Variants in RXRA observed in about 807,000 individuals in gnomAD.
RXRA encodes retinoid X receptor alpha.
Under a neutral mutation model 44.5 loss-of-function variants are expected in RXRA, and 5 were observed. The ratio of observed to expected loss-of-function variants is 0.11; its 90% CI spans 0.06 to 0.24. The LOEUF (loss-of-function observed/expected upper bound fraction) is 0.24, where lower values mean the gene tolerates loss of function less well. Among genes scored for constraint, RXRA ranks in the 10% least tolerant of loss-of-function variants. The pLI, the probability that RXRA is intolerant of heterozygous loss-of-function variation, is 1.00. For missense variants in RXRA, 412 were observed against 646.5 expected (o/e 0.64, Z 3.93); for synonymous variants, 291 against 271.4 (o/e 1.07, Z -0.71).
intron 1 of RXRA, among the ~76,000 whole-genome samples, chr9:134,341,813 A>C (rs562450370): frequency 6.6e-6 from 1 of 151,960 alleles, no homozygotes; most frequent in African/African-American, 2.4e-5. Flanking sequence ...TCTTGGCCTG[A>C]GGTTGGAGTT....
intron 5 of RXRA, among the ~76,000 whole-genome samples, chr9:134,419,221 G>A (rs6537936): frequency 0.011 from 1,751 of 152,356 alleles, 34 homozygotes; most frequent in African/African-American, 0.04. Flanking sequence ...GAGGGTGGCT[G>A]TGAGGGTTTC....
intron 1 of RXRA, among the ~76,000 whole-genome samples, chr9:134,375,430 G>T (rs899832419): frequency 6.6e-6 from 1 of 152,176 alleles, no homozygotes; most frequent in Non-Finnish European, 1.5e-5. Flanking sequence ...GCAGCCGAGG[G>T]CTCCCGGGTG....
At position 134,434,130 on chromosome 9, in the gene RXRA, G is replaced by A. The variant is rs908371905; in HGVS notation, c.1164G>A (p.Glu388=). 1.9e-6 allele frequency: 3 copies of A among 1,613,698 alleles called. No individual in the cohort carries two copies. The highest frequency in any genetic ancestry group is 1.3e-5 in the African/African-American group (1 of 74,894). The change falls in exon 9 of 10, where the codon GAG becomes GAA. Residue 388 remains glutamate (E), a synonymous_variant. Transcript: ENST00000481739. ...CCAAGGGGCTCTCGAACCCGGCCGA[G>A]GTGGAGGCGCTGAGGGAGAAGGTCT... ...PDSKGLSNPA[E]VEALREKVYA...
chr9:134,378,625 C>T (rs999428215), intron 1 of RXRA, among the ~76,000 whole-genome samples: 7 of 152,216 alleles, frequency 4.6e-5, no homozygotes, highest in Non-Finnish European at 7.3e-5. Flanking sequence ...CCTGCCCCTG[C>T]CAGCCTCAGG....
chr9:134,326,654 C>T lies in RXRA; in HGVS notation c.23C>T (p.Pro8Leu), dbSNP rs1175967955. MDTKHFL[P>L]LDFSTQVNSS... ...GACATGGACACCAAACATTTCCTGC[C>T]GCTCGGTGAGTGCTCGCCGGGCCGG... The change falls in exon 1 of 10, where the codon CCG becomes CTG. Residue 8 changes from proline to leucine, a missense_variant. By Grantham distance (98) the Pro-to-Leu change is moderately conservative. Around this residue, in one of 4 missense-constraint regions of RXRA, gnomAD observed 156 missense variants for 177.2 expected, o/e 0.88. Coordinates refer to ENST00000481739, the MANE Select transcript of RXRA (RefSeq NM_002957.6). The T allele has an allele frequency of 2.3e-5, 22 of 964,516 alleles. No homozygotes were observed. Among genetic ancestry groups the T allele is most frequent in the Non-Finnish European group, 2.6e-5 (21 of 815,090 alleles). 59.7% of individuals were successfully genotyped at this position (964,516 alleles called of 1,614,324 possible).
intron 1 of RXRA, among the ~76,000 whole-genome samples, chr9:134,370,727 T>C (rs982374662): frequency 2.6e-5 from 4 of 151,490 alleles, no homozygotes; most frequent in African/African-American, 4.9e-5. Flanking sequence ...GACAGCAGCG[T>C]CCACCCCATG....
chr9:134,401,356 G>A (rs1242606141), intron 1 of RXRA: 2 of 495,096 alleles, frequency 4.0e-6, no homozygotes, highest in East Asian at 7.6e-5. Flanking sequence ...CGGGCATCCT[G>A]GGGCTCATTC....
At chr9:134,413,758 A>ATT (rs1307462082) in intron 4 of RXRA, among the ~76,000 whole-genome samples, 2 of 152,038 alleles carry the variant, frequency 1.3e-5, no homozygotes, top group Non-Finnish European at 2.9e-5. Flanking sequence ...GGCAGGTCGG[A>ATT]GATGTCCTTT....
rs185085237 is a variant in RXRA, at chr9:134,390,937, C to T, written c.29-10695C>T. Among the ~76,000 whole-genome samples the T allele has an allele frequency of 6.5e-4, 99 of 152,272 alleles. 1 individual carries two copies. The East Asian group carries it at 0.015, about 24-fold the overall frequency. ...GGTGTGGAGGGGATTCTTGGAAAGC[C>T]GGCACCAGCTGGAGAGGGTCCCCAC... is the stretch of plus-strand genomic sequence containing the variant. On this transcript the variant is annotated intron_variant, in intron 1 of 9. Transcript: ENST00000481739.
intron 1 of RXRA, among the ~76,000 whole-genome samples, chr9:134,345,914 C>A (rs1281003849): frequency 6.6e-6 from 1 of 152,174 alleles, no homozygotes; most frequent in Non-Finnish European, 1.5e-5. Context: ...TCCAGATGTC[C>A]CCTCCTCCAG....
At chr9:134,387,430 C>T (rs886188567) in intron 1 of RXRA, among the ~76,000 whole-genome samples, 6 of 152,250 alleles carry the variant, frequency 3.9e-5, no homozygotes, top group African/African-American at 7.2e-5. Flanking sequence ...CAAACCAGAT[C>T]GGTCTGGCCA....
chr9:134,340,993 C>T (rs971293455), intron 1 of RXRA, among the ~76,000 whole-genome samples: 10 of 152,176 alleles, frequency 6.6e-5, no homozygotes, highest in Non-Finnish European at 1.2e-4. Context: ...GGCTGGCAAG[C>T]GGGGCGAGCT....
At chr9:134,332,524 G>A (rs1334801385) in intron 1 of RXRA, among the ~76,000 whole-genome samples, 1 of 152,060 alleles carries the variant, frequency 6.6e-6, no homozygotes, top group Non-Finnish European at 1.5e-5. Context: ...CTGTGGAGGA[G>A]GGGTGGGGGA....
intron 1 of RXRA, among the ~76,000 whole-genome samples, chr9:134,340,796 G>A (rs934549252): frequency 6.6e-6 from 1 of 152,210 alleles, no homozygotes; most frequent in Admixed American, 6.5e-5. Flanking sequence ...GGAGCAAGGA[G>A]CCTGTCTTCT....
intron 8 of RXRA, 98 bp from the exon 9 acceptor site, chr9:134,434,004 G>C: frequency 1.2e-6 from 1 of 823,116 alleles, no homozygotes; most frequent in Non-Finnish European, 2.0e-6. Context: ...GCCCATGGTG[G>C]GGCAGCCTGG....
chr9:134,412,036 C>T lies in RXRA; in HGVS notation c.610+2917C>T, dbSNP rs117511006. 1.1e-4 allele frequency among the ~76,000 whole-genome samples: 17 copies of T among 152,354 alleles called. No individual in the cohort carries two copies. In the East Asian group the frequency reaches 2.7e-3, roughly 24 times the overall value. ...TGCGTCTGGGTGCTGGGCAAGACCC[C>T]TTGGCTCCAGATGGGTCCTGAAGTG... On this transcript the variant is annotated intron_variant, in intron 4 of 9. Transcript: ENST00000481739.
chr9:134,362,780 G>A (rs935362833), intron 1 of RXRA, among the ~76,000 whole-genome samples: 8 of 152,228 alleles, frequency 5.3e-5, no homozygotes, highest in South Asian at 2.1e-4. Flanking sequence ...ATGTGGTCCC[G>A]GTCAGCTCCC....
intron 1 of RXRA, among the ~76,000 whole-genome samples, chr9:134,348,795 T>TCATGTGCCTCC (rs111279776): frequency 0.4 from 61,168 of 151,946 alleles, 15,173 homozygotes; most frequent in African/African-American, 0.7. Context: ...TCAGAAGACT[T>TCATGTGCCTCC]CCCGGACGCT....
chr9:134,429,665 G>A (rs899667610), intron 7 of RXRA, among the ~76,000 whole-genome samples: 2 of 152,194 alleles, frequency 1.3e-5, no homozygotes, highest in African/African-American at 2.4e-5. Flanking sequence ...CCCCGTGCAG[G>A]CAGGGGTGTC....
Sources: gnomAD v4.1 joint callset for allele counts (sites outside exome capture counted in the v4.1 genomes callset) on GRCh38, gnomAD v4.1.1 for gene constraint, gnomAD v4.1.1 regional missense constraint, MANE v1.5 for transcripts, NCBI Gene and HGNC (gene_info 2026-07-23, HGNC 2026-07-21) for gene names.